Variants in TNKS2 observed in about 807,000 individuals in gnomAD.
The protein encoded by TNKS2 is poly [ADP-ribose] polymerase tankyrase-2.
In TNKS2, 72 loss-of-function variants were observed where a neutral mutation model predicts 137.6. The observed-to-expected ratio is 0.52, with a 90% CI of 0.43 to 0.64. TNKS2 has a LOEUF of 0.64. TNKS2 is among the 30% of genes least tolerant of loss of function. TNKS2 has a pLI of 0.00. For missense variants in TNKS2, 1,049 were observed against 1,410.2 expected, an observed-to-expected ratio of 0.74 and a Z score of 4.10; for synonymous variants, 516 against 512.1, an observed-to-expected ratio of 1.01 and a Z score of -0.10.
Position 91,834,994 on chromosome 10 carries a change from G to A in TNKS2, c.1447+970G>A, listed in dbSNP as rs539996927. On this transcript the variant is annotated intron_variant, in intron 12 of 26. Coordinates refer to ENST00000371627, the MANE Select transcript of TNKS2 (RefSeq NM_025235.4). ...GCATATAATTGTCAAATTATCTTCTGTTAATAGAAAGCTGGTATTTAGCAT... is the reference window on the plus strand; with the variant it reads ...GCATATAATTGTCAAATTATCTTCTATTAATAGAAAGCTGGTATTTAGCAT... Among the ~76,000 whole-genome samples, 7 of 152,234 alleles carry A rather than the reference G, an allele frequency of 4.6e-5. No homozygotes were observed. In the South Asian group the frequency reaches 1.4e-3, roughly 32 times the overall value.
At chr10:91,848,027 C>T (rs758254743) in intron 18 of TNKS2, among the ~76,000 whole-genome samples, 4 of 152,242 alleles carry the variant, frequency 2.6e-5, no homozygotes, top group South Asian at 2.1e-4. Flanking sequence ...TATCCCTTAT[C>T]GGAAATGCTT....
Position 91,819,310 on chromosome 10 carries a change from C to A in TNKS2, c.557+4C>A. The A allele has an allele frequency of 1.4e-6, 2 of 1,450,484 alleles. No homozygotes were observed. Among genetic ancestry groups the A allele is most frequent in the South Asian group, 1.5e-5 (1 of 68,696 alleles). The allele number at this position is 1,450,484 out of a possible 1,614,324, so 89.9% of individuals were successfully genotyped here. On this transcript the variant is annotated splice_donor_region_variant and intron_variant, in intron 4 of 26. Transcript: ENST00000371627. ...ATGAACTCTTAGAAAGTGCCAGGTA[C>A]GTACTAATGTTATAAATATGTGACA... is the stretch of plus-strand genomic sequence containing the variant.
intron 12 of TNKS2, among the ~76,000 whole-genome samples, chr10:91,835,228 TTA>T (rs1841963494): frequency 6.6e-6 from 1 of 152,168 alleles, no homozygotes; most frequent in African/African-American, 2.4e-5. Flanking sequence ...GCATTTCTGA[TTA>T]TGAGTAAGTT....
chr10:91,855,750 G>A, intron 23 of TNKS2, 62 bp downstream of exon 23: 1 of 1,255,722 alleles, frequency 8.0e-7, no homozygotes, highest in Admixed American at 2.0e-5. Flanking sequence ...GAAGCCATAA[G>A]TAACTTTCAT....
intron 6 of TNKS2, among the ~76,000 whole-genome samples, chr10:91,820,712 T>C (rs1214839159): frequency 6.6e-6 from 1 of 152,186 alleles, no homozygotes; most frequent in Non-Finnish European, 1.5e-5. Flanking sequence ...GTTGGCTAAA[T>C]TGGAGAGAGA....
chr10:91,802,213 A>G (rs1258479498), intron 1 of TNKS2, among the ~76,000 whole-genome samples: 1 of 152,194 alleles, frequency 6.6e-6, no homozygotes, highest in Admixed American at 6.5e-5. Context: ...TGAATCAAAT[A>G]TAAGAGGGGA....
At position 91,849,070 on chromosome 10, in the gene TNKS2, C is replaced by G. The variant is rs542093897; in HGVS notation, c.2611+435C>G. ...CAGACTGGTCTTGAACTCCTGACCT[C>G]AGGTGATCCACCCGCCTCGGCCTCC... On this transcript the variant is annotated intron_variant, in intron 19 of 26. Coordinates refer to ENST00000371627, the MANE Select transcript of TNKS2 (RefSeq NM_025235.4). Among the ~76,000 whole-genome samples the G allele has an allele frequency of 5.9e-5, 9 of 152,314 alleles. No individual in the cohort carries two copies. The East Asian group carries it at 1.2e-3, about 20-fold the overall frequency.
Position 91,822,304 on chromosome 10 carries a change from T to C in TNKS2, c.737T>C (p.Val246Ala). ...DVHAKDKGDL[V>A]PLHNACSYGH... ...CCCCCTTCTCATTGTAGTGATCTGGTACCATTACACAATGCCTGTTCTTAT... is the reference window on the plus strand; with the variant it reads ...CCCCCTTCTCATTGTAGTGATCTGGCACCATTACACAATGCCTGTTCTTAT... Residue 246 changes from valine (V) to alanine (A), a missense_variant, in exon 7 of 27, where the codon GTA becomes GCA. Physicochemically the swap from Val to Ala is moderately conservative, Grantham distance 64. Coordinates refer to ENST00000371627, the MANE Select transcript of TNKS2 (RefSeq NM_025235.4). The C allele has an allele frequency of 6.2e-7, 1 of 1,613,176 alleles. No homozygotes were observed. Among genetic ancestry groups the C allele is most frequent in the South Asian group, 1.1e-5 (1 of 90,986 alleles).
rs1844831380 is a variant in TNKS2, at chr10:91,819,920, T to C, written c.634-19T>C. On this transcript the variant is annotated intron_variant, in intron 5 of 26. Coordinates refer to ENST00000371627, the MANE Select transcript of TNKS2 (RefSeq NM_025235.4). ...AACCATTATTTGAATTTCATTAATA[T>C]ATTTGATTAATATTTCAGTCAACTC... The C allele has an allele frequency of 1.3e-6, 2 of 1,501,734 alleles. No homozygotes were observed. The highest frequency in any genetic ancestry group is 1.4e-5 in the African/African-American group (1 of 70,792). 93.0% of individuals were successfully genotyped at this position (1,501,734 alleles called of 1,614,324 possible).
chr10:91,809,154 A>C lies in TNKS2; in HGVS notation c.200-3829A>C, dbSNP rs543163341. 5.3e-5 allele frequency among the ~76,000 whole-genome samples: 8 copies of C among 152,330 alleles called. No homozygotes were observed. In the East Asian group the frequency reaches 1.5e-3, roughly 29 times the overall value. Reference sequence around the variant, plus strand: ...GATGTTTTTTAAGAAAGGAAGATGTAAACACTATCTTTAAAGATATATATT... The same window carrying C: ...GATGTTTTTTAAGAAAGGAAGATGTCAACACTATCTTTAAAGATATATATT... On this transcript the variant is annotated intron_variant, in intron 1 of 26. Transcript: ENST00000371627.
chr10:91,809,665 CAAA>C (rs531423746), intron 1 of TNKS2, among the ~76,000 whole-genome samples: 4 of 98,864 alleles, frequency 4.0e-5, no homozygotes, highest in Non-Finnish European at 6.3e-5. Context: ...GACTCTGTCT[CAAA>C]AAAAAAAAAA....
At chr10:91,811,999 G>T (rs1034378552) in intron 1 of TNKS2, among the ~76,000 whole-genome samples, 18 of 151,414 alleles carry the variant, frequency 1.2e-4, no homozygotes, top group Admixed American at 2.6e-4. Flanking sequence ...GGCGGAGCTT[G>T]CAGTGAGCCG....
At chr10:91,808,492 C>T (rs1413439540) in intron 1 of TNKS2, among the ~76,000 whole-genome samples, 1 of 151,986 alleles carries the variant, frequency 6.6e-6, no homozygotes, top group Non-Finnish European at 1.5e-5. Context: ...TTATTTTAAA[C>T]AGGGCTGTGA....
intron 1 of TNKS2, among the ~76,000 whole-genome samples, chr10:91,804,976 G>A (rs1844279007): frequency 2.0e-5 from 3 of 152,022 alleles, no homozygotes; most frequent in African/African-American, 7.3e-5. Context: ...GTTGGCTATG[G>A]TGGTCTCGAA....
intron 11 of TNKS2, among the ~76,000 whole-genome samples, chr10:91,831,539 C>T (rs1845247314): frequency 1.3e-5 from 2 of 152,022 alleles, no homozygotes. Context: ...GTTATTTACC[C>T]CAACCACCGT....
At position 91,851,232 on chromosome 10, in the gene TNKS2, T is replaced by G. The variant is rs1469648406; in HGVS notation, c.2711T>G (p.Leu904Ter). The G allele has an allele frequency of 6.2e-7, 1 of 1,613,604 alleles. No homozygotes were observed. The highest frequency in any genetic ancestry group is 1.3e-5 in the African/African-American group (1 of 74,910). Residue 904 changes from leucine (L) to a stop codon, truncating the protein, a stop_gained, in exon 21 of 27, where the codon TTA becomes TGA. Coordinates refer to ENST00000371627, the MANE Select transcript of TNKS2 (RefSeq NM_025235.4). LOFTEE classifies it high-confidence loss of function. ...TTTTGTAAGATCACTTTGGATGTAT[T>G]AGTTGAGATGGGGCACAAGGAGCTG... ...FEREQITLDV[L>*]VEMGHKELKE...
At chr10:91,827,389 T>G (rs192697126) in intron 8 of TNKS2, among the ~76,000 whole-genome samples, 186 bp downstream of exon 8, 2 of 152,230 alleles carry the variant, frequency 1.3e-5, no homozygotes, top group African/African-American at 4.8e-5. Context: ...AAAGAAAATA[T>G]GTTTGTATTA....
At chr10:91,818,645 A>G (rs1844786425) in intron 3 of TNKS2, among the ~76,000 whole-genome samples, 1 of 151,996 alleles carries the variant, frequency 6.6e-6, no homozygotes, top group Non-Finnish European at 1.5e-5. Flanking sequence ...TGATCCTCCA[A>G]CCTCAGTCTC....
intron 23 of TNKS2, 66 bp downstream of exon 23, chr10:91,855,754 C>T (rs546107473): frequency 1.6e-4 from 198 of 1,203,518 alleles, no homozygotes; most frequent in African/African-American, 1.6e-3. Flanking sequence ...CCATAAGTAA[C>T]TTTCATAAGA....
Sources: allele counts gnomAD v4.1 joint callset (sites outside exome capture counted in the v4.1 genomes callset), GRCh38; gene constraint gnomAD v4.1.1; transcripts MANE v1.5; gene names NCBI Gene and HGNC (gene_info 2026-07-23, HGNC 2026-07-21).